Variants in RELN observed in about 807,000 individuals in gnomAD.
RELN encodes reelin.
Under a neutral mutation model 427.6 loss-of-function variants are expected in RELN, and 108 were observed. That is an observed-to-expected ratio of 0.25 (90% confidence interval 0.22 to 0.30). The LOEUF is 0.30. RELN is among the 10% of genes least tolerant of loss of function. The pLI is 1.00. For missense variants in RELN, 3,715 were observed against 4,302.8 expected (o/e 0.86, Z 3.82); for synonymous variants, 1,524 against 1,513.4 (o/e 1.01, Z -0.16).
intron 61 of RELN, chr7:103,484,575 G>A (rs1027823674): frequency 3.3e-5 from 5 of 152,468 alleles, no homozygotes; most frequent in Admixed American, 6.5e-5. Flanking sequence ...ATCACTGTTA[G>A]TAACAAAATT....
rs558564143 is a variant in RELN at position 103,931,287 on chromosome 7, C to A, written c.227-14102G>T. Among the ~76,000 whole-genome samples the A allele has an allele frequency of 7.2e-5, 11 of 152,268 alleles. No individual in the cohort carries two copies. The South Asian group carries it at 2.3e-3, about 32-fold the overall frequency. On this transcript the variant is annotated intron_variant, in intron 1 of 64. Coordinates refer to ENST00000428762, the MANE Select transcript of RELN (RefSeq NM_005045.4). ...AGTTTCAGGCCTTTGTTCTCACCAT[C>A]CTTTCCACCTAGAATCCTTTTCCTC...
intron 50 of RELN, chr7:103,513,436 T>C (rs1300971827): frequency 7.9e-5 from 12 of 152,198 alleles, no homozygotes; most frequent in Non-Finnish European, 1.5e-4. Flanking sequence ...TCTCTGATTG[T>C]AAACTCACTT....
intron 2 of RELN, among the ~76,000 whole-genome samples, chr7:103,915,663 C>CT (rs397840214): frequency 6.6e-6 from 1 of 152,062 alleles, no homozygotes; most frequent in Non-Finnish European, 1.5e-5. Flanking sequence ...TGCTCAGGCC[C>CT]TCACCCCCAG....
In RELN at chr7:103,988,877, C is replaced by T. The variant is rs895577841; in HGVS notation, c.226+254G>A. Among the ~76,000 whole-genome samples the T allele has an allele frequency of 6.6e-6, 1 of 152,182 alleles. No individual in the cohort carries two copies. The highest frequency in any genetic ancestry group is 2.4e-5 in the African/African-American group (1 of 41,456). Reference sequence around the variant, plus strand: ...GGAAAGACACCGGCCTCCAAGAATTCTCAGGCGTTTAGCACAAGCACCAGC... The same window carrying T: ...GGAAAGACACCGGCCTCCAAGAATTTTCAGGCGTTTAGCACAAGCACCAGC... On this transcript the variant is annotated intron_variant, in intron 1 of 64. Coordinates refer to ENST00000428762, the MANE Select transcript of RELN (RefSeq NM_005045.4). This position sits in a 1 kb window ranked among gnomAD's most constrained non-coding sequence, Gnocchi z 4.9.
At position 103,566,229 on chromosome 7, in the gene RELN, T is replaced by G. The variant is rs777784662; in HGVS notation, c.4931A>C (p.Asn1644Thr). 1.1e-5 allele frequency: 17 copies of G among 1,611,604 alleles called. No homozygotes were observed. In the South Asian group the frequency reaches 1.6e-4, roughly 16 times the overall value. The change falls in exon 33 of 65, where the codon AAC becomes ACC. Residue 1644 changes from asparagine (N) to threonine (T), a missense_variant. Physicochemically the swap from Asn to Thr is moderately conservative, Grantham distance 65. Coordinates refer to ENST00000428762, the MANE Select transcript of RELN (RefSeq NM_005045.4). ...TATCTGGTGACAATATATACCTATG[T>G]TTTCAGTGAATATCAGAGCAGTATC... ...SMDTALIFTE[N>T]IGKPRYAETW...
intron 5 of RELN, among the ~76,000 whole-genome samples, chr7:103,752,372 G>C (rs1490974234): frequency 6.6e-6 from 1 of 152,090 alleles, no homozygotes; most frequent in African/African-American, 2.4e-5. Flanking sequence ...AATCCATGGT[G>C]CCATTTTAAG....
chr7:103,904,703 T>C (rs575332644), intron 2 of RELN, among the ~76,000 whole-genome samples: 41 of 152,298 alleles, frequency 2.7e-4, no homozygotes, highest in African/African-American at 8.4e-4. Flanking sequence ...TTTTAACAAA[T>C]GCTTATCATT....
intron 2 of RELN, among the ~76,000 whole-genome samples, chr7:103,910,602 ATAC>A (rs1262930963): frequency 7.0e-6 from 1 of 142,026 alleles, no homozygotes; most frequent in Admixed American, 7.2e-5. Context: ...ACTTCAAACT[ATAC>A]TACAAGGCTA....
intron 45 of RELN, among the ~76,000 whole-genome samples, chr7:103,535,944 GTTTGTTTA>G (rs1189485608): frequency 5.8e-5 from 1 of 17,182 alleles, no homozygotes; most frequent in South Asian, 1.2e-3. Context: ...AATTAATATA[GTTTGTTTA>G]TTTAATGGTT....
chr7:103,882,324 G>C (rs1794625486), intron 2 of RELN, among the ~76,000 whole-genome samples: 1 of 151,946 alleles, frequency 6.6e-6, no homozygotes, highest in Non-Finnish European at 1.5e-5. Context: ...CCTAAAACCA[G>C]GGCCTATTTG....
chr7:103,712,382 TTAAA>T (rs1789827231), intron 8 of RELN, among the ~76,000 whole-genome samples: 1 of 152,172 alleles, frequency 6.6e-6, no homozygotes, highest in Non-Finnish European at 1.5e-5. Context: ...TCAAAGCCAC[TTAAA>T]AATACAAATA....
chr7:103,989,200 C>T lies in RELN; in HGVS notation c.157G>A (p.Gly53Ser). Residue 53 changes from glycine to serine, a missense_variant, in exon 1 of 65, where the codon GGC becomes AGC. Gly to Ser is a moderately conservative substitution (Grantham distance 56). This residue lies in a region of RELN where 2,208 missense variants were observed against 2,361.7 expected (regional missense o/e 0.93). Transcript: ENST00000428762. The surrounding 1 kb of genome is among the most constrained non-coding windows in gnomAD (Gnocchi z 4.9). ...HGELEGDGEQ[G>S]EVLISLHIAG... ...ATATGCAGGGAAATGAGCACCTCGC[C>T]CTGCTCCCCATCCCCTTCCAGCTCC... 1 of 1,614,120 alleles carries T rather than the reference C, an allele frequency of 6.2e-7. No individual in the cohort carries two copies. Among genetic ancestry groups the T allele is most frequent in the Non-Finnish European group, 8.5e-7 (1 of 1,180,000 alleles).
intron 50 of RELN, 122 bp from the exon 51 acceptor site, chr7:103,511,127 A>G (rs1489998376): frequency 2.8e-6 from 2 of 716,820 alleles, no homozygotes; most frequent in Non-Finnish European, 5.0e-6. Flanking sequence ...TATACACTCT[A>G]TAGACAAAAC....
At chr7:103,684,347 A>G (rs1394116064) in intron 10 of RELN, among the ~76,000 whole-genome samples, 2 of 152,080 alleles carry the variant, frequency 1.3e-5, no homozygotes, top group Non-Finnish European at 2.9e-5. Context: ...CCAAACTACA[A>G]ATTTATGCCT....
rs11767772 is a variant in RELN, at chr7:103,859,401, A to C, written c.338-25729T>G. Among the ~76,000 whole-genome samples the C allele has an allele frequency of 5.9e-5, 9 of 151,996 alleles. No homozygotes were observed. The East Asian group carries it at 1.4e-3, about 23-fold the overall frequency. Reference sequence around the variant, plus strand: ...CTCCACCTCCCAGGTTCAAGTGATTATCCTGCCTCAGCCTCCTGAGTAGCT... The same window carrying C: ...CTCCACCTCCCAGGTTCAAGTGATTCTCCTGCCTCAGCCTCCTGAGTAGCT... On this transcript the variant is annotated intron_variant, in intron 2 of 64. Coordinates refer to ENST00000428762, the MANE Select transcript of RELN (RefSeq NM_005045.4).
chr7:103,530,776 T>C (rs937700641), intron 46 of RELN, among the ~76,000 whole-genome samples: 3 of 152,210 alleles, frequency 2.0e-5, no homozygotes, highest in African/African-American at 7.2e-5. Flanking sequence ...CCAGGGCCCA[T>C]CTCTTCCATG....
intron 5 of RELN, among the ~76,000 whole-genome samples, chr7:103,752,316 C>A (rs1486533241): frequency 6.6e-6 from 1 of 152,144 alleles, no homozygotes; most frequent in Non-Finnish European, 1.5e-5. Flanking sequence ...CCACTATATA[C>A]CCTGCCTCAA....
chr7:103,706,301 A>G (rs753494222), intron 8 of RELN, among the ~76,000 whole-genome samples: 2 of 152,200 alleles, frequency 1.3e-5, no homozygotes, highest in African/African-American at 2.4e-5. Flanking sequence ...CATAAGGTCT[A>G]TACAATTGCT....
chr7:103,842,749 T>C (rs1047358828), intron 2 of RELN, among the ~76,000 whole-genome samples: 2 of 152,096 alleles, frequency 1.3e-5, no homozygotes, highest in Non-Finnish European at 2.9e-5. Context: ...TCTGGAATTG[T>C]GTATCTATGG....
Sources: gnomAD v4.1 joint callset for allele counts (sites outside exome capture counted in the v4.1 genomes callset) on GRCh38, gnomAD v4.1.1 for gene constraint, gnomAD v4.1.1 regional missense constraint, Gnocchi (gnomAD v3.1) non-coding constraint, MANE v1.5 for transcripts, NCBI Gene and HGNC (gene_info 2026-07-23, HGNC 2026-07-21) for gene names.